The following NHSL2 variants were observed in gnomAD, a reference collection of about 807,000 sequenced individuals.
NHSL2 encodes NHS like 2, also known as NHS-like protein 2.
NHSL2 carries 27 observed loss-of-function variants against 53.4 expected under a neutral mutation model. The observed-to-expected ratio is 0.51, with a 90% CI of 0.37 to 0.70. The LOEUF is 0.70. Among genes scored for constraint, NHSL2 ranks in the 30% least tolerant of loss-of-function variants. The probability of loss-of-function intolerance (pLI) is 0.00; values close to 1 mark genes in which losing one functional copy is unlikely to be tolerated. For synonymous variants in NHSL2, 408 were observed against 404.1 expected (o/e 1.01, Z -0.12); for missense variants, 892 against 980.1 (o/e 0.91, Z 1.20).
At chrX:72,060,998 G>C (rs2147938649) in intron 1 of NHSL2, among the ~76,000 whole-genome samples, 1 of 112,516 alleles carries the variant, frequency 8.9e-6, no homozygotes, top group South Asian at 3.6e-4. Context: ...CAAGTTGGCA[G>C]CTTTTTATTT....
At chrX:71,985,730 A>C (rs1360706734) in intron 1 of NHSL2, among the ~76,000 whole-genome samples, 1 of 112,769 alleles carries the variant, frequency 8.9e-6, no homozygotes, top group Non-Finnish European at 1.9e-5. Flanking sequence ...AGGTCAGTCC[A>C]TTCAGTCAAC....
chrX:71,978,268 A>G, intron 1 of NHSL2, among the ~76,000 whole-genome samples: 1 of 111,774 alleles, frequency 8.9e-6, no homozygotes, highest in Non-Finnish European at 1.9e-5. Context: ...ATCACCTTAC[A>G]TTCTCAGCCC....
At chrX:72,084,466 A>G (rs1355047967) in intron 1 of NHSL2, among the ~76,000 whole-genome samples, 1 of 112,343 alleles carries the variant, frequency 8.9e-6, no homozygotes, top group African/African-American at 3.2e-5. Context: ...TGTCCTAATG[A>G]CAGCCTCAGC....
chrX:71,938,188 G>A (rs1353096557), intron 1 of NHSL2, among the ~76,000 whole-genome samples: 5 of 112,335 alleles, frequency 4.5e-5, no homozygotes, highest in Non-Finnish European at 9.4e-5. Flanking sequence ...AGCTGATGAA[G>A]TTGTGGAGAA....
intron 1 of NHSL2, among the ~76,000 whole-genome samples, chrX:72,041,298 G>A (rs1166020555): frequency 9.0e-6 from 1 of 111,511 alleles, no homozygotes; most frequent in Admixed American, 9.5e-5. Flanking sequence ...CATTATCAGT[G>A]GCCCTCCGTG....
chrX:72,146,529 T>TGAGTGAAATGAAGTG lies in NHSL2; in HGVS notation c.*2969_*2970insGGAGTGAAATGAAGT, dbSNP rs1486091521. 1 of 111,981 alleles carries TGAGTGAAATGAAGTG rather than the reference T, an allele frequency of 8.9e-6. No individual in the cohort carries two copies. The highest frequency in any genetic ancestry group is 1.9e-5 in the Non-Finnish European group (1 of 53,210). The allele number at this position is 111,981 out of a possible 1,213,427, so 9.2% of individuals were successfully genotyped here. A position where few individuals can be genotyped will look rare whatever the true frequency, so the allele number is the denominator to read the frequency against. On this transcript the variant is annotated 3_prime_UTR_variant, in exon 8 of 8. Transcript: ENST00000633930. ...TTGAAGGTGGAATAGAGAAGAGATT[T>TGAGTGAAATGAAGTG]GAGTGAAATGAAGTTGGCCCTAGGA... is the stretch of plus-strand genomic sequence containing the variant.
chrX:72,093,233 A>G (rs1240129063), intron 1 of NHSL2, among the ~76,000 whole-genome samples: 11 of 112,714 alleles, frequency 9.8e-5, no homozygotes, highest in African/African-American at 3.2e-4. Context: ...AAGGCAAGCC[A>G]TCTCATCAAT....
In NHSL2 at chrX:72,131,885, G is replaced by A. The variant is rs1012339101; in HGVS notation, c.281-194G>A. On this transcript the variant is annotated intron_variant, in intron 1 of 7. Coordinates refer to ENST00000633930, the MANE Select transcript of NHSL2 (RefSeq NM_001013627.3). ...GGGCGGGCAGGGGCGAGCGGAGCGGGAGGGAGCGGACTGCGGCAGGATCTG... is the reference window on the plus strand; with the variant it reads ...GGGCGGGCAGGGGCGAGCGGAGCGGAAGGGAGCGGACTGCGGCAGGATCTG... 5 of 391,110 alleles carry A rather than the reference G, an allele frequency of 1.3e-5. No homozygotes were observed. The Admixed American group carries it at 2.6e-4, about 20-fold the overall frequency. The allele number at this position is 391,110 out of a possible 1,213,427, so 32.2% of individuals were successfully genotyped here.
At chrX:71,974,292 G>A (rs1363229192) in intron 1 of NHSL2, among the ~76,000 whole-genome samples, 1 of 111,556 alleles carries the variant, frequency 9.0e-6, no homozygotes, top group African/African-American at 3.3e-5. Flanking sequence ...CCAAACTCAA[G>A]ATTTTATTCA....
At chrX:72,113,853 C>T (rs1310400185) in intron 1 of NHSL2, among the ~76,000 whole-genome samples, 3 of 112,077 alleles carry the variant, frequency 2.7e-5, no homozygotes, top group Non-Finnish European at 5.6e-5. Flanking sequence ...GGAGGAGCCC[C>T]CGTCTGGCTC....
intron 1 of NHSL2, chrX:72,069,592 AGAGGAG>A (rs777523790): frequency 2.5e-5 from 17 of 678,564 alleles, no homozygotes; most frequent in Non-Finnish European, 3.1e-5. Context: ...GAGCACAGGC[AGAGGAG>A]GAGGAGGAGG....
In NHSL2 at chrX:72,139,992, C is replaced by G. The variant is rs755201230; in HGVS notation, c.2444C>G (p.Pro815Arg). ...GTCAAGCTGGCCCAGAAAACTAATC[C>G]CAACCAGCCAATCATGCCTATGGTT... ...FGVKLAQKTN[P>R]NQPIMPMVTQ... Residue 815 changes from proline to arginine, a missense_variant, in exon 6 of 8, where the codon CCC becomes CGC. Pro to Arg is a moderately radical substitution (Grantham distance 103). Coordinates refer to ENST00000633930, the MANE Select transcript of NHSL2 (RefSeq NM_001013627.3). 8.3e-7 allele frequency: 1 copy of G among 1,209,949 alleles called. No homozygotes were observed. Among genetic ancestry groups the G allele is most frequent in the Admixed American group, 2.2e-5 (1 of 45,891 alleles).
intron 1 of NHSL2, among the ~76,000 whole-genome samples, chrX:71,952,082 A>T (rs980836192): frequency 1.8e-5 from 2 of 112,174 alleles, no homozygotes; most frequent in Non-Finnish European, 3.8e-5. Context: ...CTATGCAAAA[A>T]CAAAACCAAA....
chrX:72,125,500 T>C (rs1432996618), intron 1 of NHSL2, among the ~76,000 whole-genome samples: 1 of 111,722 alleles, frequency 9.0e-6, no homozygotes. Flanking sequence ...CGAGAGGGGA[T>C]GAGACTCATG....
chrX:72,132,381 C>A, intron 2 of NHSL2, 147 bp downstream of exon 2: 1 of 560,626 alleles, frequency 1.8e-6, no homozygotes, highest in Non-Finnish European at 2.7e-6. Context: ...CAGCTTTCAC[C>A]TTTCAGCCTA....
At chrX:71,968,084 A>G (rs759111531) in intron 1 of NHSL2, among the ~76,000 whole-genome samples, 3 of 107,814 alleles carry the variant, frequency 2.8e-5, no homozygotes, top group Non-Finnish European at 3.8e-5. Flanking sequence ...GTAACCTCAT[A>G]TTCTTGGGCT....
At chrX:71,968,484 C>T (rs2041910793) in intron 1 of NHSL2, among the ~76,000 whole-genome samples, 1 of 112,016 alleles carries the variant, frequency 8.9e-6, no homozygotes, top group South Asian at 3.7e-4. Flanking sequence ...GTAATGTGAG[C>T]TCTTTCTGCC....
chrX:72,107,112 T>C (rs987366171), intron 1 of NHSL2, among the ~76,000 whole-genome samples: 1 of 110,257 alleles, frequency 9.1e-6, no homozygotes, highest in African/African-American at 3.3e-5. Flanking sequence ...CAGAGTATAA[T>C]AAAAAATAAA....
intron 1 of NHSL2, among the ~76,000 whole-genome samples, chrX:72,102,200 G>C (rs757444571): frequency 1.8e-5 from 2 of 112,322 alleles, no homozygotes; most frequent in African/African-American, 6.5e-5. Context: ...ACTAGAACTT[G>C]TCACCTCATC....
Sources: gnomAD v4.1 joint callset for allele counts (sites outside exome capture counted in the v4.1 genomes callset) on GRCh38, gnomAD v4.1.1 for gene constraint, MANE v1.5 for transcripts, NCBI Gene and HGNC (gene_info 2026-07-23, HGNC 2026-07-21) for gene names.